CRLF3: variants seen among roughly 807,000 people sequenced by gnomAD.
The protein encoded by CRLF3 is cytokine receptor like factor 3.
Under a neutral mutation model 55.0 loss-of-function variants are expected in CRLF3, and 33 were observed. The observed-to-expected ratio is 0.60, with a 90% CI of 0.46 to 0.80. The LOEUF (loss-of-function observed/expected upper bound fraction) is 0.80, where lower values mean the gene tolerates loss of function less well. CRLF3 is among the 30% of genes least tolerant of loss of function. CRLF3 has a pLI of 0.00. For synonymous variants in CRLF3, 238 were observed against 196.8 expected (o/e 1.21, Z -1.75); for missense variants, 494 against 538.4 (o/e 0.92, Z 0.82).
chr17:30,797,780 T>G (rs989481828), intron 2 of CRLF3, among the ~76,000 whole-genome samples: 1 of 143,428 alleles, frequency 7.0e-6, no homozygotes, highest in Non-Finnish European at 1.5e-5. Context: ...AGGGTGTTTT[T>G]TTTTTTTTTT....
Position 30,798,161 on chromosome 17 carries a change from C to T in CRLF3, c.338-763G>A, listed in dbSNP as rs760056522. Reference sequence around the variant, plus strand: ...TTGGGAGGCGGAGGCAGGTGGATCACGAGGTCAGGAGATCAAGACCATCCT... The same window carrying T: ...TTGGGAGGCGGAGGCAGGTGGATCATGAGGTCAGGAGATCAAGACCATCCT... On this transcript the variant is annotated intron_variant, in intron 2 of 7. Transcript: ENST00000324238. Among the ~76,000 whole-genome samples, 257 of 152,128 alleles carry T rather than the reference C, an allele frequency of 1.7e-3. 2 individuals carry two copies. The highest frequency in any genetic ancestry group is 2.8e-3 in the Admixed American group (42 of 15,246).
intron 6 of CRLF3, among the ~76,000 whole-genome samples, chr17:30,792,150 A>G (rs1345650077): frequency 2.0e-5 from 3 of 152,168 alleles, no homozygotes; most frequent in Non-Finnish European, 4.4e-5. Flanking sequence ...GCCCAGCCTA[A>G]GATTGACTTT....
chr17:30,785,705 C>T (rs1004914455), intron 7 of CRLF3, among the ~76,000 whole-genome samples: 4 of 151,606 alleles, frequency 2.6e-5, no homozygotes, highest in African/African-American at 9.7e-5. Context: ...TGGCTTGGGC[C>T]CAAGAATTTC....
chr17:30,813,122 TTTA>T (rs1904673928), intron 1 of CRLF3, among the ~76,000 whole-genome samples: 1 of 152,192 alleles, frequency 6.6e-6, no homozygotes, highest in Non-Finnish European at 1.5e-5. Flanking sequence ...TTGGCACAGT[TTTA>T]TTACGTAGCA....
At chr17:30,784,541 C>T (rs1971590443) in intron 7 of CRLF3, 98 bp from the exon 8 acceptor site, 1 of 1,123,550 alleles carries the variant, frequency 8.9e-7, no homozygotes, top group South Asian at 1.5e-5. Flanking sequence ...TTTCCTAATT[C>T]AGATTTTAAA....
chr17:30,796,117 AC>A, intron 4 of CRLF3, 42 bp downstream of exon 4: 3 of 1,408,212 alleles, frequency 2.1e-6, no homozygotes, highest in Non-Finnish European at 2.8e-6. Flanking sequence ...CAAATCGCAA[AC>A]CCATAATGTG....
In CRLF3 at chr17:30,824,678, C is replaced by A. The variant is rs374771374; in HGVS notation, c.-27G>T. On this transcript the variant is annotated 5_prime_UTR_variant, in exon 1 of 8. Coordinates refer to ENST00000324238, the MANE Select transcript of CRLF3 (RefSeq NM_015986.4). ...TGGCCGCGCGGCCGGCGAAACCTAG[C>A]GCGGGTTCCCGACTGCACCGGGCGC... The A allele has an allele frequency of 6.3e-7, 1 of 1,580,398 alleles. No individual in the cohort carries two copies. The highest frequency in any genetic ancestry group is 8.5e-7 in the Non-Finnish European group (1 of 1,170,238).
At chr17:30,804,131 T>C in intron 1 of CRLF3, 23 bp from the exon 2 acceptor site, 2 of 1,547,674 alleles carry the variant, frequency 1.3e-6, no homozygotes, top group Non-Finnish European at 1.8e-6. Flanking sequence ...AACAAAATAC[T>C]CAAAATCAGA....
At chr17:30,805,760 C>T (rs528500798) in intron 1 of CRLF3, among the ~76,000 whole-genome samples, 57 of 150,448 alleles carry the variant, frequency 3.8e-4, no homozygotes, top group African/African-American at 1.3e-3. Flanking sequence ...CAGTGGCTCA[C>T]ACCTATGATC....
intron 3 of CRLF3, 87 bp downstream of exon 3, chr17:30,797,224 T>TTA (rs748015806): frequency 2.0e-5 from 19 of 937,328 alleles, no homozygotes; most frequent in African/African-American, 3.2e-5. Context: ...TCTATCTCCC[T>TTA]TAATGAGAAT....
chr17:30,808,564 A>G (rs1411492892), intron 1 of CRLF3, among the ~76,000 whole-genome samples: 1 of 151,432 alleles, frequency 6.6e-6, no homozygotes, highest in Non-Finnish European at 1.5e-5. Flanking sequence ...CTGGAATTAC[A>G]GGCGTGAGCC....
chr17:30,816,901 T>C (rs1040005843), intron 1 of CRLF3, among the ~76,000 whole-genome samples: 2 of 152,148 alleles, frequency 1.3e-5, no homozygotes, highest in African/African-American at 4.8e-5. Context: ...ATATACCATA[T>C]AGCCTAGGTG....
At chr17:30,796,873 C>T (rs933407270) in intron 3 of CRLF3, among the ~76,000 whole-genome samples, 8 of 151,742 alleles carry the variant, frequency 5.3e-5, no homozygotes, top group African/African-American at 1.7e-4. Flanking sequence ...TACAGGCGCA[C>T]GCCACCATGC....
rs937999130 is a variant in CRLF3 at position 30,782,997 on chromosome 17, T to G, written c.*1190A>C. 1 of 152,168 alleles carries G rather than the reference T, an allele frequency of 6.6e-6. No homozygotes were observed. Among genetic ancestry groups the G allele is most frequent in the East Asian group, 1.9e-4 (1 of 5,192 alleles). 9.4% of individuals were successfully genotyped at this position (152,168 alleles called of 1,614,324 possible). ...CATATTAAAGTCCTTCAAATAAATA[T>G]TTTACACACAAATTTAAGTAAGTTT... On this transcript the variant is annotated 3_prime_UTR_variant, in exon 8 of 8. Coordinates refer to ENST00000324238, the MANE Select transcript of CRLF3 (RefSeq NM_015986.4).
Position 30,784,044 on chromosome 17 carries a change from A to C in CRLF3, c.*143T>G, listed in dbSNP as rs998239908. 1.4e-6 allele frequency: 1 copy of C among 705,502 alleles called. No homozygotes were observed. Among genetic ancestry groups the C allele is most frequent in the Non-Finnish European group, 2.3e-6 (1 of 429,254 alleles). The allele number at this position is 705,502 out of a possible 1,614,324, so 43.7% of individuals were successfully genotyped here. On this transcript the variant is annotated 3_prime_UTR_variant, in exon 8 of 8. Transcript: ENST00000324238. Reference sequence around the variant, plus strand: ...AACATTGAAGTCTCTTTTTGCTAAAATATTACAAAATGAATCCAGTAAACA... The same window carrying C: ...AACATTGAAGTCTCTTTTTGCTAAACTATTACAAAATGAATCCAGTAAACA...
At chr17:30,785,236 T>G (rs894801416) in intron 7 of CRLF3, 1 of 151,222 alleles carries the variant, frequency 6.6e-6, no homozygotes, top group Non-Finnish European at 1.5e-5. Flanking sequence ...CCACCACACC[T>G]GGCTAATTTT....
At chr17:30,789,420 GGAGAGCATCAGATCAA>G (rs1308965182) in intron 6 of CRLF3, among the ~76,000 whole-genome samples, 1 of 152,170 alleles carries the variant, frequency 6.6e-6, no homozygotes, top group African/African-American at 2.4e-5. Context: ...TTAAAAAGCA[GGAGAGCATCAGATCAA>G]GTGGTGAAAG....
At chr17:30,786,224 C>A in intron 6 of CRLF3, 193 bp from the exon 7 acceptor site, 1 of 469,222 alleles carries the variant, frequency 2.1e-6, no homozygotes, top group Non-Finnish European at 3.7e-6. Flanking sequence ...ATTCTTACAA[C>A]AATCTATGAG....
intron 1 of CRLF3, among the ~76,000 whole-genome samples, chr17:30,807,851 TATA>T (rs537943084): frequency 7.0e-4 from 107 of 152,284 alleles, no homozygotes; most frequent in South Asian, 1.9e-3. Flanking sequence ...TTAACGCAGT[TATA>T]ATAATATTTA....
Sources: allele counts gnomAD v4.1 joint callset (sites outside exome capture counted in the v4.1 genomes callset), GRCh38; gene constraint gnomAD v4.1.1; transcripts MANE v1.5; gene names NCBI Gene and HGNC (gene_info 2026-07-23, HGNC 2026-07-21).